The following MCCC2 variants were observed in gnomAD, a reference collection of about 807,000 sequenced individuals.
MCCC2 encodes the protein methylcrotonoyl-CoA carboxylase beta chain, mitochondrial.
MCCC2 carries 52 observed loss-of-function variants against 77.2 expected under a neutral mutation model. That is an observed-to-expected ratio of 0.67 (90% confidence interval 0.54 to 0.85). The LOEUF (loss-of-function observed/expected upper bound fraction) is 0.85. Ranked by LOEUF, MCCC2 falls within the 40% of genes least tolerant of loss-of-function variation. The pLI, the probability that MCCC2 is intolerant of heterozygous loss-of-function variation, is 0.00. For synonymous variants in MCCC2, 253 were observed against 248.4 expected, an observed-to-expected ratio of 1.02 and a Z score of -0.18; for missense variants, 682 against 703.2, an observed-to-expected ratio of 0.97 and a Z score of 0.34.
chr5:71,617,597 G>A (rs1746202570), intron 6 of MCCC2, among the ~76,000 whole-genome samples: 1 of 152,080 alleles, frequency 6.6e-6, no homozygotes, highest in African/African-American at 2.4e-5. Context: ...TTGTTTTGTT[G>A]TTTATTTAAG....
chr5:71,617,256 A>G (rs990490690), intron 6 of MCCC2, among the ~76,000 whole-genome samples: 5 of 152,166 alleles, frequency 3.3e-5, no homozygotes, highest in African/African-American at 1.2e-4. Flanking sequence ...TCTCCAACCC[A>G]TCTTCCAAGA....
At chr5:71,630,240 G>A (rs981338408) in intron 7 of MCCC2, among the ~76,000 whole-genome samples, 2 of 152,174 alleles carry the variant, frequency 1.3e-5, no homozygotes, top group Non-Finnish European at 2.9e-5. Context: ...GGGTTTGCAC[G>A]TAGTGTGGGG....
chr5:71,610,946 A>C (rs913407699), intron 6 of MCCC2, among the ~76,000 whole-genome samples: 6 of 152,238 alleles, frequency 3.9e-5, no homozygotes, highest in Admixed American at 1.3e-4. Context: ...AGATCATGCC[A>C]CTGCACTCCA....
intron 1 of MCCC2, 31 bp from the exon 2 acceptor site, chr5:71,592,895 C>A (rs1745035900): frequency 7.2e-6 from 9 of 1,247,572 alleles, no homozygotes; most frequent in Non-Finnish European, 9.0e-6. Flanking sequence ...TCTAATATTT[C>A]TCTCCCCTGT....
At chr5:71,647,765 A>G (rs1747310821) in intron 13 of MCCC2, among the ~76,000 whole-genome samples, 1 of 152,238 alleles carries the variant, frequency 6.6e-6, no homozygotes, top group Non-Finnish European at 1.5e-5. Flanking sequence ...AAGAAGGTTC[A>G]GTGACAGTCT....
intron 11 of MCCC2, chr5:71,641,422 C>T (rs1747119687): frequency 3.2e-6 from 1 of 317,438 alleles, no homozygotes; most frequent in Non-Finnish European, 6.0e-6. Context: ...AAAGTTTCAG[C>T]ACTGTTTCCT....
At chr5:71,637,121 A>G (rs1384491456) in intron 10 of MCCC2, among the ~76,000 whole-genome samples, 2 of 152,224 alleles carry the variant, frequency 1.3e-5, no homozygotes, top group Non-Finnish European at 2.9e-5. Flanking sequence ...TATTCTATGT[A>G]TAAGTCTAGG....
intron 1 of MCCC2, among the ~76,000 whole-genome samples, chr5:71,588,098 A>G (rs1007343906): frequency 1.3e-5 from 2 of 151,922 alleles, no homozygotes; most frequent in African/African-American, 2.4e-5. Context: ...GTGAAACCCC[A>G]TCTCTACTAA....
chr5:71,638,506 C>G (rs2112447433), intron 10 of MCCC2, among the ~76,000 whole-genome samples: 1 of 152,314 alleles, frequency 6.6e-6, no homozygotes, highest in South Asian at 2.1e-4. Flanking sequence ...TCTATGGCAG[C>G]TATAGCCTGA....
chr5:71,645,848 G>T (rs1278361076), intron 12 of MCCC2, among the ~76,000 whole-genome samples: 1 of 152,130 alleles, frequency 6.6e-6, no homozygotes, highest in Non-Finnish European at 1.5e-5. Context: ...ATTGATAATG[G>T]AGTAGCACTG....
At chr5:71,628,546 G>C (rs936591568) in intron 7 of MCCC2, among the ~76,000 whole-genome samples, 2 of 152,166 alleles carry the variant, frequency 1.3e-5, no homozygotes, top group African/African-American at 2.4e-5. Context: ...TCCATTTTGA[G>C]TTAGTTTTTG....
At chr5:71,621,812 G>T (rs1468121368) in intron 6 of MCCC2, among the ~76,000 whole-genome samples, 2 of 151,996 alleles carry the variant, frequency 1.3e-5, no homozygotes, top group Non-Finnish European at 2.9e-5. Context: ...GAAAGAATGA[G>T]TAAGACCTAT....
intron 12 of MCCC2, among the ~76,000 whole-genome samples, chr5:71,644,724 G>A (rs947637925): frequency 6.6e-6 from 1 of 152,024 alleles, no homozygotes; most frequent in South Asian, 2.1e-4. Flanking sequence ...CAGGGTAAAA[G>A]TTCTCTTTAT....
intron 6 of MCCC2, among the ~76,000 whole-genome samples, chr5:71,624,891 A>G (rs908564867): frequency 2.0e-5 from 3 of 148,212 alleles, no homozygotes; most frequent in Non-Finnish European, 3.0e-5. Context: ...ACTGGGTTTC[A>G]CCATGTTGGC....
chr5:71,627,313 AT>A (rs1236450532), intron 7 of MCCC2, among the ~76,000 whole-genome samples: 10 of 152,192 alleles, frequency 6.6e-5, no homozygotes, highest in Admixed American at 3.3e-4. Flanking sequence ...GGGTGTACAA[AT>A]TTCTATTCAA....
At chr5:71,628,546 G>A (rs936591568) in intron 7 of MCCC2, among the ~76,000 whole-genome samples, 1 of 152,166 alleles carries the variant, frequency 6.6e-6, no homozygotes, top group Non-Finnish European at 1.5e-5. Flanking sequence ...TCCATTTTGA[G>A]TTAGTTTTTG....
chr5:71,650,791 G>A (rs1172524203), intron 15 of MCCC2, among the ~76,000 whole-genome samples: 1 of 152,146 alleles, frequency 6.6e-6, no homozygotes, highest in Non-Finnish European at 1.5e-5. Flanking sequence ...TGGGACTACA[G>A]GTGCCCATTA....
chr5:71,648,942 A>G (rs1238659854), intron 13 of MCCC2, among the ~76,000 whole-genome samples, 155 bp from the exon 14 acceptor site: 1 of 152,268 alleles, frequency 6.6e-6, no homozygotes, highest in East Asian at 1.9e-4. Context: ...TTTTAAAGCA[A>G]ACTTTTTAAC....
At chr5:71,589,063 TGA>T (rs1333167109) in intron 1 of MCCC2, among the ~76,000 whole-genome samples, 10 of 152,088 alleles carry the variant, frequency 6.6e-5, no homozygotes, top group African/African-American at 2.4e-4. Flanking sequence ...AGTGGAGAGT[TGA>T]GTCTTGAGAT....
Sources: allele counts gnomAD v4.1 joint callset (sites outside exome capture counted in the v4.1 genomes callset), GRCh38; gene constraint gnomAD v4.1.1; transcripts MANE v1.5; gene names NCBI Gene and HGNC (gene_info 2026-07-23, HGNC 2026-07-21).